The following RELN variants were observed in gnomAD, a reference collection of about 807,000 sequenced individuals.
RELN encodes the protein reelin.
Under a neutral mutation model 427.6 loss-of-function variants are expected in RELN, and 108 were observed. The observed-to-expected ratio is 0.25, with a 90% CI of 0.22 to 0.30. The LOEUF is 0.30. RELN is among the 10% of genes least tolerant of loss of function. RELN has a pLI of 1.00. For synonymous variants in RELN, 1,524 were observed against 1,513.4 expected (o/e 1.01, Z -0.16); for missense variants, 3,715 against 4,302.8 (o/e 0.86, Z 3.82).
Position 103,500,778 on chromosome 7 carries a change from T to C in RELN, c.8634A>G (p.Ser2878=), listed in dbSNP as rs377429197. The C allele has an allele frequency of 1.7e-5, 27 of 1,613,990 alleles. No homozygotes were observed. In the African/African-American group the frequency reaches 3.2e-4, roughly 19 times the overall value. The change falls in exon 53 of 65, where the codon TCA becomes TCG. Residue 2878 remains serine, a synonymous_variant. Coordinates refer to ENST00000428762, the MANE Select transcript of RELN (RefSeq NM_005045.4). ...REQCICDPGY[S]GPNCYLTHTL... ...TGTGGGTCAAGTAGCAGTTTGGCCCTGAGTATCCCGGATCACAGATGCACT... is the reference window on the plus strand; with the variant it reads ...TGTGGGTCAAGTAGCAGTTTGGCCCCGAGTATCCCGGATCACAGATGCACT...
At chr7:103,889,098 T>C (rs892482249) in intron 2 of RELN, among the ~76,000 whole-genome samples, 3 of 152,232 alleles carry the variant, frequency 2.0e-5, no homozygotes, top group Non-Finnish European at 2.9e-5. Context: ...CAGCCAATTA[T>C]AGAAACTTAT....
intron 28 of RELN, among the ~76,000 whole-genome samples, chr7:103,589,240 A>G (rs1326749955): frequency 2.6e-5 from 4 of 152,198 alleles, no homozygotes; most frequent in Non-Finnish European, 5.9e-5. Flanking sequence ...GCTGAGTGCA[A>G]ACAATTACCC....
At chr7:103,566,175 G>A (rs1298265210) in intron 33 of RELN, 49 bp downstream of exon 33, 1 of 1,474,550 alleles carries the variant, frequency 6.8e-7, no homozygotes, top group Admixed American at 1.7e-5. Flanking sequence ...AGTTAATTTA[G>A]TCCTCTAGTT....
intron 1 of RELN, among the ~76,000 whole-genome samples, chr7:103,937,569 G>A (rs766558093): frequency 9.2e-5 from 14 of 152,244 alleles, no homozygotes; most frequent in Admixed American, 3.3e-4. Flanking sequence ...TATTTTATGA[G>A]AAACATTTAT....
intron 3 of RELN, among the ~76,000 whole-genome samples, chr7:103,817,078 C>A (rs1343572300): frequency 6.6e-6 from 1 of 152,134 alleles, no homozygotes; most frequent in Non-Finnish European, 1.5e-5. Context: ...TCTTGAACTC[C>A]TGACCTCAAG....
chr7:103,577,767 T>A (rs1028775499), intron 28 of RELN, among the ~76,000 whole-genome samples: 3 of 152,222 alleles, frequency 2.0e-5, no homozygotes, highest in Non-Finnish European at 2.9e-5. Flanking sequence ...TGCATGTCTG[T>A]GATAAATGAG....
intron 60 of RELN, among the ~76,000 whole-genome samples, chr7:103,489,450 G>C (rs912436264): frequency 6.6e-6 from 1 of 152,010 alleles, no homozygotes; most frequent in African/African-American, 2.4e-5. Context: ...GAGAATGTGA[G>C]GTACTATACC....
At chr7:103,567,644 G>T (rs1194809595) in intron 31 of RELN, among the ~76,000 whole-genome samples, 1 of 151,984 alleles carries the variant, frequency 6.6e-6, no homozygotes, top group Non-Finnish European at 1.5e-5. Flanking sequence ...GTGGTAGAGG[G>T]TATTGATCTA....
chr7:103,631,286 CTTTTTTTTTTTT>C (rs545808640), intron 19 of RELN, among the ~76,000 whole-genome samples: 87 of 77,820 alleles, frequency 1.1e-3, no homozygotes, highest in African/African-American at 4.1e-3. Flanking sequence ...AAAAACACTT[CTTTTTTTTTTTT>C]TTTTTTTTTT....
At chr7:103,745,280 C>T (rs1790789254) in intron 6 of RELN, among the ~76,000 whole-genome samples, 2 of 151,944 alleles carry the variant, frequency 1.3e-5, no homozygotes, top group Admixed American at 6.6e-5. Context: ...ATAATAAGAG[C>T]TATCTATGAC....
intron 8 of RELN, among the ~76,000 whole-genome samples, chr7:103,719,463 C>T (rs1790021682): frequency 1.3e-5 from 2 of 152,164 alleles, no homozygotes; most frequent in Admixed American, 6.6e-5. Context: ...ATTTCATGCT[C>T]TCTATGTACC....
chr7:103,639,962 TG>T (rs1392045989), intron 17 of RELN, among the ~76,000 whole-genome samples: 2 of 152,300 alleles, frequency 1.3e-5, no homozygotes, highest in South Asian at 2.1e-4. Context: ...AATTCATTGG[TG>T]GTAATTAGAT....
intron 16 of RELN, among the ~76,000 whole-genome samples, chr7:103,649,959 C>A (rs1177981921): frequency 6.6e-6 from 1 of 151,938 alleles, no homozygotes; most frequent in East Asian, 1.9e-4. Flanking sequence ...TAATTTTATA[C>A]AACATTCAAA....
chr7:103,962,851 G>A (rs1217546039), intron 1 of RELN, among the ~76,000 whole-genome samples: 1 of 152,142 alleles, frequency 6.6e-6, no homozygotes, highest in Non-Finnish European at 1.5e-5. Flanking sequence ...AAACTATTAT[G>A]AGTTTAGCTG....
At chr7:103,979,025 T>C (rs1796937168) in intron 1 of RELN, among the ~76,000 whole-genome samples, 1 of 152,202 alleles carries the variant, frequency 6.6e-6, no homozygotes, top group Non-Finnish European at 1.5e-5. Context: ...GTGGAACATC[T>C]CTACACTTTT....
At chr7:103,902,400 T>G (rs1003813074) in intron 2 of RELN, among the ~76,000 whole-genome samples, 3 of 151,788 alleles carry the variant, frequency 2.0e-5, no homozygotes, top group Non-Finnish European at 4.4e-5. Context: ...ATAACTATAT[T>G]TATTTTACTT....
chr7:103,723,482 T>A (rs1054842312), intron 7 of RELN, among the ~76,000 whole-genome samples: 6 of 152,290 alleles, frequency 3.9e-5, no homozygotes, highest in African/African-American at 1.4e-4. Flanking sequence ...CAGGTTATCT[T>A]GTGAAGGCAT....
intron 45 of RELN, among the ~76,000 whole-genome samples, chr7:103,535,738 T>G (rs1196631402): frequency 6.6e-6 from 1 of 151,332 alleles, no homozygotes; most frequent in Non-Finnish European, 1.5e-5. Context: ...AAGTAAATGT[T>G]TGTGAATCAC....
rs913474714 is a variant in RELN at position 103,555,099 on chromosome 7, T to G, written c.5798-1268A>C. Among the ~76,000 whole-genome samples, 4 of 152,336 alleles carry G rather than the reference T, an allele frequency of 2.6e-5. No homozygotes were observed. The East Asian group carries it at 7.7e-4, about 29-fold the overall frequency. On this transcript the variant is annotated intron_variant, in intron 38 of 64. Transcript: ENST00000428762. The stretch of plus-strand genomic sequence containing the variant: ...AGGAAACTAGGGAAATCACCCTTTA[T>G]ACTGCTATAGTATTTGATTCAGTGA...
Sources: allele counts gnomAD v4.1 joint callset (sites outside exome capture counted in the v4.1 genomes callset), GRCh38; gene constraint gnomAD v4.1.1; transcripts MANE v1.5; gene names NCBI Gene and HGNC (gene_info 2026-07-23, HGNC 2026-07-21).